The following KMT2B variants were observed in gnomAD, a reference collection of about 807,000 sequenced individuals.
KMT2B encodes lysine methyltransferase 2B, also known as histone-lysine N-methyltransferase 2B.
Under a neutral mutation model 255.3 loss-of-function variants are expected in KMT2B, and 22 were observed. That is an observed-to-expected ratio of 0.09 (90% CI 0.06 to 0.12). KMT2B has a LOEUF of 0.12. KMT2B is among the 10% of genes least tolerant of loss of function. KMT2B has a pLI of 1.00. For synonymous variants in KMT2B, 1,730 were observed against 1,498.1 expected, an observed-to-expected ratio of 1.15 and a Z score of -3.57; for missense variants, 3,149 against 3,737.0, an observed-to-expected ratio of 0.84 and a Z score of 4.10.
Position 35,718,383 on chromosome 19 carries a change from T to C in KMT2B, c.363+2T>C. 1 of 1,260,964 alleles carries C rather than the reference T, an allele frequency of 7.9e-7. No homozygotes were observed. The highest frequency in any genetic ancestry group is 3.8e-5 in the South Asian group (1 of 26,312). The allele number at this position is 1,260,964 out of a possible 1,614,324, so 78.1% of individuals were successfully genotyped here. ...AGTGACGGGGAATCCGACGAGGAGG[T>C]GAGGCGGTTGGAGGCGTCCCCGGCG... is the stretch of plus-strand genomic sequence containing the variant. On this transcript the variant is annotated splice_donor_variant, in intron 1 of 36. Coordinates refer to ENST00000420124, the MANE Select transcript of KMT2B (RefSeq NM_014727.3). LOFTEE classifies it high-confidence loss of function. The surrounding 1 kb of genome is among the most constrained non-coding windows in gnomAD (Gnocchi z 5.0).
rs1428975330 is a variant in KMT2B, at chr19:35,733,865, C to G, written c.7152C>G (p.His2384Gln). The G allele has an allele frequency of 6.2e-7, 1 of 1,611,544 alleles. No homozygotes were observed. The highest frequency in any genetic ancestry group is 1.7e-5 in the Admixed American group (1 of 60,004). The part of the protein sequence containing the change: ...PDLLLESQWH[H>Q]YSGEASSSEE... ...TGCTGCTTGAGTCCCAGTGGCACCA[C>G]TATTCAGGTAGGGACCGGCCTTGCC... The change falls in exon 30 of 37, where the codon CAC becomes CAG. Residue 2384 changes from histidine (H) to glutamine (Q), a missense_variant. By Grantham distance (24) the His-to-Gln change is conservative. Around this residue, in one of 18 missense-constraint regions of KMT2B, gnomAD observed 897 missense variants for 825.3 expected, o/e 1.09. Coordinates refer to ENST00000420124, the MANE Select transcript of KMT2B (RefSeq NM_014727.3). The surrounding 1 kb of genome is among the most constrained non-coding windows in gnomAD (Gnocchi z 4.3).
At position 35,728,202 on chromosome 19, in the gene KMT2B, C is replaced by T. The variant is rs777012583; in HGVS notation, c.4571+31C>T. 5.1e-6 allele frequency: 8 copies of T among 1,556,684 alleles called. No individual in the cohort carries two copies. In the Admixed American group the frequency reaches 9.6e-5, roughly 19 times the overall value. ...CAAGGCTGGGTAGCAGAAGGGAAGCCGGGGAGTGAGGGCAAGGCCAGGGCA... is the reference window on the plus strand; with the variant it reads ...CAAGGCTGGGTAGCAGAAGGGAAGCTGGGGAGTGAGGGCAAGGCCAGGGCA... On this transcript the variant is annotated intron_variant, in intron 19 of 36. Coordinates refer to ENST00000420124, the MANE Select transcript of KMT2B (RefSeq NM_014727.3).
In KMT2B at chr19:35,728,068, C is replaced by G. The variant is rs776159508; in HGVS notation, c.4498-30C>G. The G allele has an allele frequency of 6.3e-6, 10 of 1,576,442 alleles. No individual in the cohort carries two copies. In the African/African-American group the frequency reaches 1.2e-4, roughly 19 times the overall value. On this transcript the variant is annotated intron_variant, in intron 18 of 36. Transcript: ENST00000420124. The stretch of plus-strand genomic sequence containing the variant: ...CTGCCAGCTCTCCTGGGGAAGCTGG[C>G]TCTTCTCATCCTGTTAACCCACTCC...
chr19:35,736,552 A>G, intron 30 of KMT2B, 138 bp from the exon 31 acceptor site: 2 of 993,734 alleles, frequency 2.0e-6, no homozygotes, highest in African/African-American at 3.3e-5. Flanking sequence ...CTGGAGCAGA[A>G]GGAGGGCCAT....
Position 35,722,585 on chromosome 19 carries a change from G to A in KMT2B, c.2589G>A (p.Val863=), listed in dbSNP as rs375239384. The change falls in exon 5 of 37, where the codon GTG becomes GTA. Residue 863 remains valine, a synonymous_variant. Transcript: ENST00000420124. The part of the protein sequence containing the change: ...RERPSGPESP[V]QGPRIKHVCR... ...TCCCCCAGGGTCCCGAGTCCCCTGT[G>A]CAAGGTCCCCGCATCAAACATGTCT... The A allele has an allele frequency of 7.6e-5, 123 of 1,608,828 alleles. No homozygotes were observed. Among genetic ancestry groups the A allele is most frequent in the Non-Finnish European group, 1.0e-4 (120 of 1,178,100 alleles).
Position 35,727,993 on chromosome 19 carries a change from C to T in KMT2B, c.4497+8C>T, listed in dbSNP as rs1486872954. The stretch of plus-strand genomic sequence containing the variant: ...AAGGGGCTCCTGCTGAAGGTGAGCT[C>T]TTCCGGGGATGCTTGTGGGGTGGGG... On this transcript the variant is annotated splice_region_variant and intron_variant, in intron 18 of 36. Coordinates refer to ENST00000420124, the MANE Select transcript of KMT2B (RefSeq NM_014727.3). The surrounding 1 kb of genome is among the most constrained non-coding windows in gnomAD (Gnocchi z 4.2). The T allele has an allele frequency of 1.9e-6, 3 of 1,555,916 alleles. No individual in the cohort carries two copies. The highest frequency in any genetic ancestry group is 3.8e-5 in the Admixed American group (2 of 52,498).
chr19:35,723,080 A>T lies in KMT2B; in HGVS notation c.2808A>T (p.Ser936=), dbSNP rs1568371496. ...AGGCAGCAGGCCCTGGGGGAGAATC[A>T]GAGCCCACAGGTTCTGGAGGGACCC... The part of the protein sequence containing the change: ...KVEAAGPGGE[S]EPTGSGGTLA... The change falls in exon 6 of 37, where the codon TCA becomes TCT. Residue 936 remains serine (S), a synonymous_variant. Coordinates refer to ENST00000420124, the MANE Select transcript of KMT2B (RefSeq NM_014727.3). This position sits in a 1 kb window ranked among gnomAD's most constrained non-coding sequence, Gnocchi z 7.5. 5 of 1,613,090 alleles carry T rather than the reference A, an allele frequency of 3.1e-6. No homozygotes were observed. Among genetic ancestry groups the T allele is most frequent in the Non-Finnish European group, 4.2e-6 (5 of 1,179,792 alleles).
chr19:35,722,579 C>T lies in KMT2B; in HGVS notation c.2583C>T (p.Ser861=), dbSNP rs372040879. ...GATTTCTCCCCCAGGGTCCCGAGTC[C>T]CCTGTGCAAGGTCCCCGCATCAAAC... is the stretch of plus-strand genomic sequence containing the variant. ...AKRERPSGPE[S]PVQGPRIKHV... The change falls in exon 5 of 37, where the codon TCC becomes TCT. Residue 861 remains serine (S), a synonymous_variant. Coordinates refer to ENST00000420124, the MANE Select transcript of KMT2B (RefSeq NM_014727.3). The T allele has an allele frequency of 2.6e-5, 42 of 1,607,670 alleles. No individual in the cohort carries two copies. The African/African-American group carries it at 4.8e-4, about 18-fold the overall frequency.
Position 35,721,648 on chromosome 19 carries a change from G to A in KMT2B, c.2301G>A (p.Gln767=), listed in dbSNP as rs758178214. The A allele has an allele frequency of 1.2e-6, 2 of 1,613,450 alleles. No homozygotes were observed. Among genetic ancestry groups the A allele is most frequent in the Middle Eastern group, 1.6e-4 (1 of 6,062 alleles). ...QPQLQPPPSP[Q]QMPPLEKARI... ...AGCTGCAGCCACCGCCGTCACCACA[G>A]CAGATGCCTCCCCTGGAAAAAGCCC... Residue 767 remains glutamine (Q), a synonymous_variant, in exon 3 of 37, where the codon CAG becomes CAA. Coordinates refer to ENST00000420124, the MANE Select transcript of KMT2B (RefSeq NM_014727.3).
rs766359416 is a variant in KMT2B at position 35,720,039 on chromosome 19, G to C, written c.692G>C (p.Cys231Ser). ...GRPPGRPAGP[C>S]RRKQQAVVVA... ...CCCCCAGGACGGCCAGCAGGCCCCT[G>C]CAGGAGGAAGCAGCAAGCAGTAGTG... The change falls in exon 3 of 37, where the codon TGC becomes TCC. Residue 231 changes from cysteine (C) to serine (S), a missense_variant. Cys to Ser is a moderately radical substitution (Grantham distance 112, BLOSUM62 -1). Around this residue, in one of 18 missense-constraint regions of KMT2B, gnomAD observed 1,188 missense variants for 1,106.4 expected, o/e 1.07. Coordinates refer to ENST00000420124, the MANE Select transcript of KMT2B (RefSeq NM_014727.3). 1 of 1,611,606 alleles carries C rather than the reference G, an allele frequency of 6.2e-7. No homozygotes were observed. The highest frequency in any genetic ancestry group is 8.5e-7 in the Non-Finnish European group (1 of 1,178,938).
Position 35,722,603 on chromosome 19 carries a change from A to G in KMT2B, c.2607A>G (p.Lys869=), listed in dbSNP as rs1230020299. 1 of 1,611,558 alleles carries G rather than the reference A, an allele frequency of 6.2e-7. No individual in the cohort carries two copies. The highest frequency in any genetic ancestry group is 1.3e-5 in the African/African-American group (1 of 75,030). The change falls in exon 5 of 37, where the codon AAA becomes AAG. Residue 869 remains lysine, a synonymous_variant. Coordinates refer to ENST00000420124, the MANE Select transcript of KMT2B (RefSeq NM_014727.3). The stretch of plus-strand genomic sequence containing the variant: ...CCCCTGTGCAAGGTCCCCGCATCAA[A>G]CATGTCTGCCGTCATGCTGCTGTGG... ...PESPVQGPRI[K]HVCRHAAVAL... is the part of the protein sequence containing the mutation.
rs1351196373 is a variant in KMT2B at position 35,737,061 on chromosome 19, G to A, written c.7373-25G>A. The stretch of plus-strand genomic sequence containing the variant: ...GCACCATGGGCCCTCCACATGACAG[G>A]TGTGTCCTCAACATCTCCCCTCAGG... On this transcript the variant is annotated intron_variant, in intron 32 of 36. Coordinates refer to ENST00000420124, the MANE Select transcript of KMT2B (RefSeq NM_014727.3). This position sits in a 1 kb window ranked among gnomAD's most constrained non-coding sequence, Gnocchi z 5.3. 2 of 1,610,474 alleles carry A rather than the reference G, an allele frequency of 1.2e-6. No homozygotes were observed. The highest frequency in any genetic ancestry group is 2.7e-5 in the African/African-American group (2 of 74,868).
chr19:35,725,889 G>C lies in KMT2B; in HGVS notation c.3885+71G>C. ...ACCACCACCCCCAAACTTGCTCTAG[G>C]CTGGGGCTCTCAGGAGGAGCAGAGG... On this transcript the variant is annotated intron_variant, in intron 13 of 36. Coordinates refer to ENST00000420124, the MANE Select transcript of KMT2B (RefSeq NM_014727.3). The surrounding 1 kb of genome is among the most constrained non-coding windows in gnomAD (Gnocchi z 4.1). 7.8e-7 allele frequency: 1 copy of C among 1,288,546 alleles called. No individual in the cohort carries two copies. The highest frequency in any genetic ancestry group is 1.1e-6 in the Non-Finnish European group (1 of 908,912). 79.8% of individuals were successfully genotyped at this position (1,288,546 alleles called of 1,614,324 possible).
rs766857912 is a variant in KMT2B, at chr19:35,722,693, G to A, written c.2697G>A (p.Arg899=). 7.5e-6 allele frequency: 12 copies of A among 1,606,992 alleles called. No homozygotes were observed. Among genetic ancestry groups the A allele is most frequent in the Non-Finnish European group, 9.3e-6 (11 of 1,176,544 alleles). Reference sequence around the variant, plus strand: ...CTCGCCTCAGTGCCCTCCCTCTCCGGGATCGGCAGGACCTCGCCACAGAGG... The same window carrying A: ...CTCGCCTCAGTGCCCTCCCTCTCCGAGATCGGCAGGACCTCGCCACAGAGG... ...DVPRLSALPL[R]DRQDLATEDT... is the part of the protein sequence containing the mutation. The change falls in exon 5 of 37, where the codon CGG becomes CGA. Residue 899 remains arginine, a synonymous_variant. Transcript: ENST00000420124.
intron 14 of KMT2B, among the ~76,000 whole-genome samples, chr19:35,726,717 CTCACGCCTGTAA>C (rs1308946958): frequency 6.6e-6 from 1 of 152,162 alleles, no homozygotes; most frequent in Non-Finnish European, 1.5e-5. Context: ...AGCACAGTGG[CTCACGCCTGTAA>C]TCCTAACACT....
Position 35,727,269 on chromosome 19 carries a change from G to T in KMT2B, c.4117G>T (p.Asp1373Tyr). 6.2e-7 allele frequency: 1 copy of T among 1,611,816 alleles called. No homozygotes were observed. The highest frequency in any genetic ancestry group is 8.5e-7 in the Non-Finnish European group (1 of 1,178,312). ...GCATGCCAAGTGCGAGGGGCTCTCA[G>T]GTGAGTCAGTGGAGCACCTGGGCTG... is the stretch of plus-strand genomic sequence containing the variant. ...WVHAKCEGLS[D>Y]EDYEILSGLP... Residue 1373 changes from aspartate (D) to tyrosine (Y), a missense_variant and splice_region_variant, in exon 15 of 37, where the codon GAT becomes TAT. Physicochemically the swap from Asp to Tyr is radical, Grantham distance 160. Coordinates refer to ENST00000420124, the MANE Select transcript of KMT2B (RefSeq NM_014727.3). This position sits in a 1 kb window ranked among gnomAD's most constrained non-coding sequence, Gnocchi z 4.2.
rs1157171178 is a variant in KMT2B at position 35,721,236 on chromosome 19, C to G, written c.1889C>G (p.Ala630Gly). 6.8e-7 allele frequency: 1 copy of G among 1,460,008 alleles called. No homozygotes were observed. The highest frequency in any genetic ancestry group is 2.0e-5 in the Admixed American group (1 of 49,326). The allele number at this position is 1,460,008 out of a possible 1,614,324, so 90.4% of individuals were successfully genotyped here. ...CCCCCAGCCCCTCCACCTCCCCCGG[C>G]CCCCTCCCCACCCCCTGCTCCTGCC... ...PPPPAPPPPP[A>G]PSPPPAPATS... The change falls in exon 3 of 37, where the codon GCC (alanine) becomes GGC (glycine). Residue 630 changes from alanine to glycine, a missense_variant. By Grantham distance (60) the Ala-to-Gly change is moderately conservative. Transcript: ENST00000420124.
chr19:35,722,813 A>T, intron 5 of KMT2B, 95 bp downstream of exon 5: 1 of 1,482,542 alleles, frequency 6.7e-7, no homozygotes, highest in Non-Finnish European at 9.0e-7. Flanking sequence ...GAGCCAAGTC[A>T]GGTGCTCAGG....
At position 35,720,959 on chromosome 19, in the gene KMT2B, C is replaced by A; in HGVS notation, c.1612C>A (p.Arg538Ser). The change falls in exon 3 of 37, where the codon CGT becomes AGT. Residue 538 changes from arginine to serine, a missense_variant. By Grantham distance (110) the Arg-to-Ser change is moderately radical. This residue lies in a region of KMT2B where 1,188 missense variants were observed against 1,106.4 expected (regional missense o/e 1.07). Coordinates refer to ENST00000420124, the MANE Select transcript of KMT2B (RefSeq NM_014727.3). ...GCCTGTGGTGAGTGCCCGCTCCTCCCGTGTCATCAAGACACCCCGGCGATT... is the reference window on the plus strand; with the variant it reads ...GCCTGTGGTGAGTGCCCGCTCCTCCAGTGTCATCAAGACACCCCGGCGATT... ...IMPVVSARSS[R>S]VIKTPRRFMD... 6.2e-7 allele frequency: 1 copy of A among 1,612,228 alleles called. No homozygotes were observed.
Sources: allele counts gnomAD v4.1 joint callset (sites outside exome capture counted in the v4.1 genomes callset), GRCh38; gene constraint gnomAD v4.1.1; regional missense constraint gnomAD v4.1.1; non-coding constraint Gnocchi (gnomAD v3.1); transcripts MANE v1.5; gene names NCBI Gene and HGNC (gene_info 2026-07-23, HGNC 2026-07-21).